Variants in CEP162 observed in about 807,000 individuals in gnomAD.
CEP162 encodes centrosomal protein 162.
In CEP162, 141 loss-of-function variants were observed where a neutral mutation model predicts 169.2. The ratio of observed to expected loss-of-function variants is 0.83; its 90% CI spans 0.73 to 0.96. CEP162 has a LOEUF of 0.96. Ranked by LOEUF, CEP162 falls within the 40% of genes least tolerant of loss-of-function variation. The pLI is 0.00. For synonymous variants in CEP162, 540 were observed against 526.4 expected, an observed-to-expected ratio of 1.03 and a Z score of -0.35; for missense variants, 1,600 against 1,587.2, an observed-to-expected ratio of 1.01 and a Z score of -0.14.
At chr6:84,217,277 A>G (rs1220897578) in intron 3 of CEP162, among the ~76,000 whole-genome samples, 1 of 152,236 alleles carries the variant, frequency 6.6e-6, no homozygotes, top group Non-Finnish European at 1.5e-5. Context: ...GAAAACAGTT[A>G]AGTGCCAAGA....
At chr6:84,143,133 A>C (rs1562007218) in intron 25 of CEP162, among the ~76,000 whole-genome samples, 1 of 152,082 alleles carries the variant, frequency 6.6e-6, no homozygotes, top group Admixed American at 6.5e-5. Flanking sequence ...TAGTCACTGA[A>C]TATCTAGATC....
In CEP162 at chr6:84,132,686, A is replaced by C. The variant is rs2099512113; in HGVS notation, c.3871-6174T>G. The stretch of plus-strand genomic sequence containing the variant: ...ACATAGTTCTCGTGCCATGGTTTTC[A>C]GCTCCATCAGGTGATTTAAGGTCTT... On this transcript the variant is annotated intron_variant, in intron 25 of 26. Coordinates refer to ENST00000403245, the MANE Select transcript of CEP162 (RefSeq NM_014895.4). 2.0e-5 allele frequency among the ~76,000 whole-genome samples: 3 copies of C among 152,130 alleles called. No homozygotes were observed. The South Asian group carries it at 6.2e-4, about 32-fold the overall frequency.
At chr6:84,175,981 T>TA (rs1193222981) in intron 13 of CEP162, among the ~76,000 whole-genome samples, 1 of 152,130 alleles carries the variant, frequency 6.6e-6, no homozygotes, top group Non-Finnish European at 1.5e-5. Context: ...AGGTAACCTG[T>TA]AAATTCTTAA....
intron 10 of CEP162, among the ~76,000 whole-genome samples, chr6:84,194,092 T>C (rs953030152): frequency 3.3e-5 from 5 of 152,268 alleles, no homozygotes; most frequent in African/African-American, 1.2e-4. Context: ...CAGTGGCTCA[T>C]GCCTGTAATC....
At chr6:84,131,665 C>CTT (rs368082200) in intron 25 of CEP162, among the ~76,000 whole-genome samples, 1 of 149,788 alleles carries the variant, frequency 6.7e-6, no homozygotes, top group African/African-American at 2.5e-5. Context: ...GCAACCGCTG[C>CTT]TTTTTTTTTG....
chr6:84,212,850 C>G (rs543076322), intron 6 of CEP162, 107 bp downstream of exon 6: 1 of 731,476 alleles, frequency 1.4e-6, no homozygotes, highest in Admixed American at 2.5e-5. Flanking sequence ...CTATTCAAAG[C>G]TCTGAGACAA....
intron 11 of CEP162, among the ~76,000 whole-genome samples, chr6:84,187,736 A>G (rs1340116231): frequency 1.3e-5 from 2 of 152,186 alleles, no homozygotes; most frequent in Non-Finnish European, 2.9e-5. Flanking sequence ...AAACATTGCT[A>G]AACTGTCATC....
At chr6:84,181,333 C>T (rs1288009019) in intron 13 of CEP162, among the ~76,000 whole-genome samples, 3 of 152,138 alleles carry the variant, frequency 2.0e-5, no homozygotes, top group Non-Finnish European at 4.4e-5. Context: ...CTTCCTTACA[C>T]CTTATACAAA....
At chr6:84,220,479 G>A (rs1378819105) in intron 3 of CEP162, among the ~76,000 whole-genome samples, 1 of 152,100 alleles carries the variant, frequency 6.6e-6, no homozygotes, top group East Asian at 1.9e-4. Context: ...AAAAAAATTA[G>A]CCAGGCATGT....
intron 23 of CEP162, among the ~76,000 whole-genome samples, chr6:84,152,344 A>G (rs1199597921): frequency 6.6e-6 from 1 of 152,186 alleles, no homozygotes; most frequent in Non-Finnish European, 1.5e-5. Flanking sequence ...ATGTTCAGGT[A>G]CATCAGAATT....
At chr6:84,193,535 C>T in intron 11 of CEP162, 74 bp downstream of exon 11, 1 of 824,298 alleles carries the variant, frequency 1.2e-6, no homozygotes. Flanking sequence ...ATTAATCATT[C>T]ACTAGGAATG....
At chr6:84,133,500 C>G (rs932298398) in intron 25 of CEP162, among the ~76,000 whole-genome samples, 5 of 152,144 alleles carry the variant, frequency 3.3e-5, no homozygotes. Context: ...CCTTGAGTTG[C>G]GGTGGGCTCC....
intron 26 of CEP162, among the ~76,000 whole-genome samples, chr6:84,125,877 C>G (rs1245774607): frequency 6.6e-6 from 1 of 152,170 alleles, no homozygotes; most frequent in Non-Finnish European, 1.5e-5. Context: ...GACTAATACA[C>G]TGTTCAAACC....
rs779649703 is a variant in CEP162, at chr6:84,185,365, A to G, written c.1485T>C (p.Pro495=). 5 of 1,613,520 alleles carry G rather than the reference A, an allele frequency of 3.1e-6. No homozygotes were observed. The African/African-American group carries it at 5.3e-5, about 17-fold the overall frequency. ...QVPYKKARSA[P]PLLKRKPQSG... ...TCTGGGGTTTCCTTTTAAGTAAAGG[A>G]GGTGCACTTCTGGCCTTCTTGTATG... Residue 495 remains proline, a synonymous_variant, in exon 13 of 27, where the codon CCT becomes CCC. Transcript: ENST00000403245.
At chr6:84,220,283 G>A (rs1355739350) in intron 3 of CEP162, among the ~76,000 whole-genome samples, 1 of 152,168 alleles carries the variant, frequency 6.6e-6, no homozygotes, top group African/African-American at 2.4e-5. Context: ...TGTAGGTACT[G>A]AAATAGAAGC....
chr6:84,174,272 T>G, intron 15 of CEP162, 84 bp from the exon 16 acceptor site: 1 of 1,091,456 alleles, frequency 9.2e-7, no homozygotes. Flanking sequence ...AAACTCCTAT[T>G]TAGATCGAAA....
At position 84,196,519 on chromosome 6, in the gene CEP162, G is replaced by A. The variant is rs139627998; in HGVS notation, c.836-1444C>T. On this transcript the variant is annotated intron_variant, in intron 9 of 26. Coordinates refer to ENST00000403245, the MANE Select transcript of CEP162 (RefSeq NM_014895.4). Reference sequence around the variant, plus strand: ...AAATAATTTAATGAAAATAATGATTGCATATTTTTGAGTACTTTCTTGCTT... The same window carrying A: ...AAATAATTTAATGAAAATAATGATTACATATTTTTGAGTACTTTCTTGCTT... Among the ~76,000 whole-genome samples, 158 of 152,164 alleles carry A rather than the reference G, an allele frequency of 1.0e-3. 2 individuals carry two copies. The East Asian group carries it at 0.029, about 28-fold the overall frequency.
chr6:84,126,683 C>T (rs542744898), intron 25 of CEP162, among the ~76,000 whole-genome samples, 171 bp from the exon 26 acceptor site: 1 of 152,260 alleles, frequency 6.6e-6, no homozygotes, highest in Non-Finnish European at 1.5e-5. Context: ...AAGGTTCCTC[C>T]TAACTCTGAG....
rs759224631 is a variant in CEP162, at chr6:84,195,045, A to G, written c.866T>C (p.Val289Ala). 1.3e-5 allele frequency: 21 copies of G among 1,602,214 alleles called. No individual in the cohort carries two copies. The highest frequency in any genetic ancestry group is 5.2e-5 in the Admixed American group (3 of 57,542). ...GVSYGQSSSD[V>A]EALHQAYCHI... Reference sequence around the variant, plus strand: ...ACAATAAGCTTGATGTAGGGCTTCAACGTCACTACTGCTTTGTCCATAAGA... The same window carrying G: ...ACAATAAGCTTGATGTAGGGCTTCAGCGTCACTACTGCTTTGTCCATAAGA... The change falls in exon 10 of 27, where the codon GTT becomes GCT. Residue 289 changes from valine to alanine, a missense_variant. Val to Ala is a moderately conservative substitution (Grantham distance 64, BLOSUM62 0). Transcript: ENST00000403245.
Sources: gnomAD v4.1 joint callset for allele counts (sites outside exome capture counted in the v4.1 genomes callset) on GRCh38, gnomAD v4.1.1 for gene constraint, MANE v1.5 for transcripts, NCBI Gene and HGNC (gene_info 2026-07-23, HGNC 2026-07-21) for gene names.